The following JHY variants were observed in gnomAD, a reference collection of about 807,000 sequenced individuals.
The protein encoded by JHY is jhy protein homolog.
A neutral mutation model predicts 78.0 loss-of-function variants in JHY; 69 were observed. That is an observed-to-expected ratio of 0.88 (90% CI 0.73 to 1.08). The LOEUF (loss-of-function observed/expected upper bound fraction) is 1.08. Ranked by LOEUF, JHY falls within the 50% of genes least tolerant of loss-of-function variation. JHY has a pLI of 0.00. For missense variants in JHY, 944 were observed against 927.8 expected (o/e 1.02, Z -0.23); for synonymous variants, 368 against 342.6 (o/e 1.07, Z -0.82).
At chr11:122,958,881 A>G (rs1864246936) in intron 8 of JHY, 1 of 985,282 alleles carries the variant, frequency 1.0e-6, no homozygotes, top group South Asian at 4.7e-5. Context: ...TTCTTTGGAT[A>G]GAAAGGTCTA....
At chr11:122,931,341 T>C (rs1219047840) in intron 4 of JHY, among the ~76,000 whole-genome samples, 1 of 152,216 alleles carries the variant, frequency 6.6e-6, no homozygotes, top group African/African-American at 2.4e-5. Context: ...GTATTAAAGA[T>C]ATATAGGACC....
At chr11:122,929,555 G>A (rs1018950735) in intron 4 of JHY, among the ~76,000 whole-genome samples, 1 of 152,118 alleles carries the variant, frequency 6.6e-6, no homozygotes, top group Admixed American at 6.6e-5. Flanking sequence ...GCTGCTGTCT[G>A]CCTCACGCAT....
chr11:122,885,115 TATTATGGGTTTTAAAAA>T (rs1318157267), intron 1 of JHY, among the ~76,000 whole-genome samples: 2 of 152,016 alleles, frequency 1.3e-5, no homozygotes, highest in Non-Finnish European at 1.5e-5. Context: ...TTTTAATCGT[TATTATGGGTTTTAAAAA>T]ATACCGGATG....
In JHY at chr11:122,946,603, C is replaced by T. The variant is rs746497726; in HGVS notation, c.1740C>T (p.Asp580=). The stretch of plus-strand genomic sequence containing the variant: ...AGCAAGCCTTGGTGCAGCTGACCGA[C>T]GTGCAGCCCAGTGAAGGGGCCTTAT... ...QHQQALVQLT[D]VQPSEGALSS... Residue 580 remains aspartate, a synonymous_variant, in exon 6 of 9, where the codon GAC becomes GAT. Coordinates refer to ENST00000227349, the MANE Select transcript of JHY (RefSeq NM_024806.4). 1.1e-5 allele frequency: 17 copies of T among 1,613,914 alleles called. No individual in the cohort carries two copies. Among genetic ancestry groups the T allele is most frequent in the African/African-American group, 2.7e-5 (2 of 74,886 alleles).
chr11:122,896,731 TGAA>T, intron 2 of JHY, among the ~76,000 whole-genome samples: 1 of 152,316 alleles, frequency 6.6e-6, no homozygotes, highest in African/African-American at 2.4e-5. Context: ...TCACGGGGAC[TGAA>T]TGTGACGTAC....
rs1329625548 is a variant in JHY at position 122,935,300 on chromosome 11, T to A, written c.1634+225T>A. On this transcript the variant is annotated intron_variant, in intron 5 of 8. Transcript: ENST00000227349. This position sits in a 1 kb window ranked among gnomAD's most constrained non-coding sequence, Gnocchi z 4.5. ...CCCAGGCTGGAGTGCAGTGGTGCCA[T>A]CTTGGCTCATTGCAACCTCCGCCTC... is the stretch of plus-strand genomic sequence containing the variant. Among the ~76,000 whole-genome samples the A allele has an allele frequency of 6.6e-6, 1 of 151,856 alleles. No individual in the cohort carries two copies. Among genetic ancestry groups the A allele is most frequent in the Non-Finnish European group, 1.5e-5 (1 of 67,992 alleles).
At chr11:122,887,293 C>T (rs1378877948) in intron 2 of JHY, among the ~76,000 whole-genome samples, 1 of 152,174 alleles carries the variant, frequency 6.6e-6, no homozygotes, top group African/African-American at 2.4e-5. Flanking sequence ...AGAATAGTGA[C>T]TGGCTCCTTA....
At chr11:122,900,066 G>A (rs1340946031) in intron 2 of JHY, among the ~76,000 whole-genome samples, 2 of 152,178 alleles carry the variant, frequency 1.3e-5, no homozygotes, top group Non-Finnish European at 1.5e-5. Context: ...GTGCAGCGAG[G>A]TTTTAGGCAT....
rs202187983 is a variant in JHY, at chr11:122,924,936, C to G, written c.904C>G (p.Gln302Glu). The G allele has an allele frequency of 5.2e-5, 84 of 1,613,926 alleles. No individual in the cohort carries two copies. Among genetic ancestry groups the G allele is most frequent in the Non-Finnish European group, 8.5e-6 (10 of 1,179,966 alleles). Residue 302 changes from glutamine (Q) to glutamate (E), a missense_variant, in exon 4 of 9, where the codon CAG becomes GAG. Coordinates refer to ENST00000227349, the MANE Select transcript of JHY (RefSeq NM_024806.4). ...CAGAGTAACAGACAAGACGTCTATT[C>G]AGAATGCCAAGGAAATGGAAAATGC... ...PVRVTDKTSI[Q>E]NAKEMENAAI...
At position 122,885,857 on chromosome 11, in the gene JHY, A is replaced by T. The variant is rs1565302055; in HGVS notation, c.8A>T (p.Lys3Ile). Residue 3 changes from lysine to isoleucine, a missense_variant, in exon 2 of 9, where the codon AAA becomes ATA. Coordinates refer to ENST00000227349, the MANE Select transcript of JHY (RefSeq NM_024806.4). The part of the protein sequence containing the change: MS[K>I]RKLIPKLSIQ... ...TTTTTTGCATTTTTCAAGATGAGTA[A>T]ACGTAAACTAATTCCCAAGCTCTCT... The T allele has an allele frequency of 6.2e-7, 1 of 1,604,632 alleles. No homozygotes were observed. The highest frequency in any genetic ancestry group is 8.5e-7 in the Non-Finnish European group (1 of 1,173,244).
chr11:122,958,886 G>A (rs912143393), intron 8 of JHY: 3 of 985,058 alleles, frequency 3.0e-6, no homozygotes, highest in African/African-American at 1.7e-5. Flanking sequence ...TGGATAGAAA[G>A]GTCTATTAAT....
Position 122,961,314 on chromosome 11 carries a change from T to A in JHY, c.*1869T>A, listed in dbSNP as rs952477869. On this transcript the variant is annotated 3_prime_UTR_variant, in exon 9 of 9. Transcript: ENST00000227349. ...GAGTTGTTCCATGATCATTTTTTTA[T>A]TGTTGTTTTTTTTGCTGTTGTTGTT... Among the ~76,000 whole-genome samples, 1 of 112,568 alleles carries A rather than the reference T, an allele frequency of 8.9e-6. No individual in the cohort carries two copies. Among genetic ancestry groups the A allele is most frequent in the African/African-American group, 3.0e-5 (1 of 32,908 alleles). 73.8% of individuals were successfully genotyped at this position (112,568 alleles called of 152,430 possible). A position where few individuals can be genotyped will look rare whatever the true frequency, so the allele number is the denominator to read the frequency against.
At chr11:122,959,051 A>G (rs962499530) in intron 8 of JHY, 197 bp from the exon 9 acceptor site, 24 of 972,032 alleles carry the variant, frequency 2.5e-5, no homozygotes, top group Non-Finnish European at 2.7e-5. Flanking sequence ...TTTTTCCACA[A>G]TATATTGTTT....
intron 3 of JHY, among the ~76,000 whole-genome samples, chr11:122,918,256 G>C (rs553051042): frequency 1.3e-5 from 2 of 151,544 alleles, no homozygotes; most frequent in African/African-American, 2.4e-5. Context: ...AGGTGCTTGG[G>C]ATACATCCCT....
chr11:122,895,775 G>A (rs1283854054), intron 2 of JHY, among the ~76,000 whole-genome samples: 1 of 152,072 alleles, frequency 6.6e-6, no homozygotes, highest in East Asian at 1.9e-4. Flanking sequence ...CTAATGAAAG[G>A]GCACTTCACA....
intron 2 of JHY, among the ~76,000 whole-genome samples, chr11:122,896,086 A>G (rs1862735249): frequency 6.6e-6 from 1 of 152,168 alleles, no homozygotes; most frequent in African/African-American, 2.4e-5. Flanking sequence ...CTACCCTTAT[A>G]TATACACATT....
At chr11:122,913,684 A>G (rs1440093112) in intron 3 of JHY, among the ~76,000 whole-genome samples, 4 of 152,178 alleles carry the variant, frequency 2.6e-5, no homozygotes, top group Admixed American at 2.0e-4. Context: ...CTGCCTTTGT[A>G]AAGGCTTTCT....
At chr11:122,889,928 G>A (rs1016763846) in intron 2 of JHY, among the ~76,000 whole-genome samples, 2 of 152,018 alleles carry the variant, frequency 1.3e-5, no homozygotes, top group African/African-American at 4.8e-5. Flanking sequence ...TCTACTTTTA[G>A]TAGAGATGGG....
intron 6 of JHY, among the ~76,000 whole-genome samples, chr11:122,950,824 C>T (rs2135378000): frequency 6.6e-6 from 1 of 152,284 alleles, no homozygotes; most frequent in East Asian, 1.9e-4. Context: ...CATGGGAGGT[C>T]AGGGGAGAGG....
Sources: gnomAD v4.1 joint callset for allele counts (sites outside exome capture counted in the v4.1 genomes callset) on GRCh38, gnomAD v4.1.1 for gene constraint, Gnocchi (gnomAD v3.1) non-coding constraint, MANE v1.5 for transcripts, NCBI Gene and HGNC (gene_info 2026-07-23, HGNC 2026-07-21) for gene names.